The following FRS2 variants were observed in gnomAD, a reference collection of about 807,000 sequenced individuals.
The protein encoded by FRS2 is FGFR signalling adaptor.
FRS2 carries 8 observed loss-of-function variants against 43.9 expected under a neutral mutation model. The observed-to-expected ratio is 0.18, with a 90% CI of 0.11 to 0.33. The LOEUF (loss-of-function observed/expected upper bound fraction) is 0.33. Ranked by LOEUF, FRS2 falls within the 10% of genes least tolerant of loss-of-function variation. The probability of loss-of-function intolerance (pLI) is 1.00; values close to 1 mark genes in which losing one functional copy is unlikely to be tolerated. For synonymous variants in FRS2, 219 were observed against 220.3 expected, an observed-to-expected ratio of 0.99 and a Z score of 0.05; for missense variants, 534 against 627.6, an observed-to-expected ratio of 0.85 and a Z score of 1.59.
intron 3 of FRS2, among the ~76,000 whole-genome samples, chr12:69,540,916 A>G (rs910374014): frequency 6.6e-6 from 1 of 152,214 alleles, no homozygotes; most frequent in Admixed American, 6.5e-5. Context: ...TGAGAAAAGC[A>G]TCAAATTCCA....
At chr12:69,507,112 C>A (rs1874010475) in intron 1 of FRS2, among the ~76,000 whole-genome samples, 1 of 152,214 alleles carries the variant, frequency 6.6e-6, no homozygotes, top group Non-Finnish European at 1.5e-5. Context: ...AAATAAATTT[C>A]ATATCTTATA....
At chr12:69,522,846 C>T (rs1260228593) in intron 1 of FRS2, among the ~76,000 whole-genome samples, 2 of 152,238 alleles carry the variant, frequency 1.3e-5, no homozygotes, top group East Asian at 3.9e-4. Flanking sequence ...TCATTGTTTA[C>T]CCAAAAGTTA....
At chr12:69,573,091 C>T (rs1880898155) in intron 8 of FRS2, among the ~76,000 whole-genome samples, 1 of 152,196 alleles carries the variant, frequency 6.6e-6, no homozygotes, top group Admixed American at 6.5e-5. Flanking sequence ...CCCCGGCCTC[C>T]CAAAGTGTTG....
chr12:69,508,896 C>T (rs1007856000), intron 1 of FRS2, among the ~76,000 whole-genome samples: 2 of 152,096 alleles, frequency 1.3e-5, no homozygotes, highest in Admixed American at 6.6e-5. Flanking sequence ...TTTTTCTCAT[C>T]TTTATAGGGT....
chr12:69,532,341 GA>G (rs150159054), intron 3 of FRS2, among the ~76,000 whole-genome samples: 1 of 152,056 alleles, frequency 6.6e-6, no homozygotes, highest in Non-Finnish European at 1.5e-5. Context: ...TCCTTTTTAG[GA>G]AAAAAGTTCT....
At chr12:69,481,747 G>A (rs565088643) in intron 1 of FRS2, among the ~76,000 whole-genome samples, 2 of 152,180 alleles carry the variant, frequency 1.3e-5, no homozygotes, top group African/African-American at 2.4e-5. Flanking sequence ...TTTACGGAAG[G>A]TTTTTCAATT....
intron 3 of FRS2, among the ~76,000 whole-genome samples, chr12:69,533,639 A>G (rs926233052): frequency 3.3e-5 from 5 of 152,118 alleles, no homozygotes; most frequent in Admixed American, 2.0e-4. Flanking sequence ...GTGAGCCACC[A>G]CGCCTGGCCA....
chr12:69,514,448 C>A (rs751731872), intron 1 of FRS2, among the ~76,000 whole-genome samples: 2 of 152,156 alleles, frequency 1.3e-5, no homozygotes, highest in African/African-American at 2.4e-5. Flanking sequence ...CTCACTAATT[C>A]GCTACTCTGG....
At chr12:69,526,836 G>A (rs1213388956) in intron 1 of FRS2, among the ~76,000 whole-genome samples, 1 of 151,970 alleles carries the variant, frequency 6.6e-6, no homozygotes, top group Non-Finnish European at 1.5e-5. Flanking sequence ...TGATTCTCCT[G>A]CCTCAGCCTC....
intron 1 of FRS2, among the ~76,000 whole-genome samples, chr12:69,473,180 A>G (rs1414893873): frequency 6.6e-6 from 1 of 152,260 alleles, no homozygotes; most frequent in East Asian, 1.9e-4. Flanking sequence ...CTTCACAGCA[A>G]TATGTAAGTA....
Position 69,574,995 on chromosome 12 carries a change from T to C in FRS2, c.*40T>C. 7.5e-7 allele frequency: 1 copy of C among 1,337,052 alleles called. No individual in the cohort carries two copies. The highest frequency in any genetic ancestry group is 2.0e-5 in the Admixed American group (1 of 50,882). The allele number at this position is 1,337,052 out of a possible 1,614,324, so 82.8% of individuals were successfully genotyped here. On this transcript the variant is annotated 3_prime_UTR_variant, in exon 9 of 9. Transcript: ENST00000549921. ...GTGTTGTTTGCACCTTTGTGAAGTT[T>C]TTAAAAATGAAGATGCAAGTGCTTC...
chr12:69,496,627 T>TA (rs746615571), intron 1 of FRS2, among the ~76,000 whole-genome samples: 1 of 152,188 alleles, frequency 6.6e-6, no homozygotes, highest in Non-Finnish European at 1.5e-5. Flanking sequence ...CGCTTTCACT[T>TA]ATAATAATAG....
At chr12:69,558,110 T>C (rs1030737039) in intron 3 of FRS2, among the ~76,000 whole-genome samples, 13 of 152,014 alleles carry the variant, frequency 8.6e-5, no homozygotes, top group African/African-American at 2.9e-4. Flanking sequence ...CTGTGAGATA[T>C]GGGGTTAAAG....
intron 1 of FRS2, among the ~76,000 whole-genome samples, chr12:69,527,811 A>G (rs1325819165): frequency 6.6e-6 from 1 of 152,202 alleles, no homozygotes; most frequent in East Asian, 1.9e-4. Context: ...GAGTGGGAGC[A>G]TTTCGGTACA....
chr12:69,479,233 T>A (rs552143897), intron 1 of FRS2, among the ~76,000 whole-genome samples: 2 of 152,248 alleles, frequency 1.3e-5, no homozygotes, highest in Admixed American at 1.3e-4. Flanking sequence ...TTTTTCTTAG[T>A]CTCATTCCTG....
chr12:69,550,503 A>C (rs1593036588), intron 3 of FRS2, among the ~76,000 whole-genome samples: 1 of 152,246 alleles, frequency 6.6e-6, no homozygotes, highest in South Asian at 2.1e-4. Context: ...AACTAAGTCT[A>C]AAATGAAAGG....
At chr12:69,535,881 G>A (rs777006546) in intron 3 of FRS2, among the ~76,000 whole-genome samples, 1 of 151,808 alleles carries the variant, frequency 6.6e-6, no homozygotes, top group Admixed American at 6.6e-5. Flanking sequence ...TATTTTGAAT[G>A]TATGCTATTA....
intron 3 of FRS2, among the ~76,000 whole-genome samples, chr12:69,533,222 A>G (rs1043494780): frequency 6.6e-6 from 1 of 152,244 alleles, no homozygotes; most frequent in Non-Finnish European, 1.5e-5. Context: ...AGACAAAAAT[A>G]TAAGCAGTGA....
At chr12:69,518,938 C>T (rs151221849) in intron 1 of FRS2, among the ~76,000 whole-genome samples, 6 of 147,226 alleles carry the variant, frequency 4.1e-5, no homozygotes, top group African/African-American at 1.0e-4. Flanking sequence ...CGCTTGAACC[C>T]GGGAAGCGGG....
Sources: gnomAD v4.1 joint callset for allele counts (sites outside exome capture counted in the v4.1 genomes callset) on GRCh38, gnomAD v4.1.1 for gene constraint, MANE v1.5 for transcripts, NCBI Gene and HGNC (gene_info 2026-07-23, HGNC 2026-07-21) for gene names.